ASIC2: variants seen among roughly 807,000 people sequenced by gnomAD.
ASIC2 encodes acid-sensing ion channel 2.
In ASIC2, 25 loss-of-function variants were observed where a neutral mutation model predicts 57.3. The observed-to-expected ratio is 0.44, with a 90% confidence interval of 0.32 to 0.61. The LOEUF (loss-of-function observed/expected upper bound fraction) is 0.61. Ranked by LOEUF, ASIC2 falls within the 20% of genes least tolerant of loss-of-function variation. The probability of loss-of-function intolerance (pLI) is 0.06; values close to 1 mark genes in which losing one functional copy is unlikely to be tolerated. For missense variants in ASIC2, 641 were observed against 738.1 expected, an observed-to-expected ratio of 0.87 and a Z score of 1.52; for synonymous variants, 319 against 307.5, an observed-to-expected ratio of 1.04 and a Z score of -0.39.
intron 1 of ASIC2, among the ~76,000 whole-genome samples, chr17:34,009,774 C>G (rs1289139355): frequency 1.3e-5 from 2 of 152,164 alleles, no homozygotes; most frequent in African/African-American, 2.4e-5. Context: ...TTGGCAATGA[C>G]CTGAATTTGG....
At chr17:33,451,351 C>G (rs1049609870) in intron 1 of ASIC2, among the ~76,000 whole-genome samples, 7 of 152,140 alleles carry the variant, frequency 4.6e-5, no homozygotes, top group Non-Finnish European at 1.0e-4. Context: ...GCTACCGTAC[C>G]CGGCTGTACA....
At chr17:33,173,304 C>G (rs1905602019) in intron 1 of ASIC2, among the ~76,000 whole-genome samples, 2 of 152,212 alleles carry the variant, frequency 1.3e-5, no homozygotes, top group South Asian at 4.1e-4. Context: ...GGGTGGCAGC[C>G]TGAATGTGTA....
At chr17:33,848,393 G>T (rs150739715) in intron 1 of ASIC2, among the ~76,000 whole-genome samples, 1 of 152,172 alleles carries the variant, frequency 6.6e-6, no homozygotes, top group East Asian at 1.9e-4. Context: ...TTGAAAGTGA[G>T]CTACTGCTTG....
chr17:34,019,285 A>G (rs1345932110), intron 1 of ASIC2, among the ~76,000 whole-genome samples: 1 of 152,198 alleles, frequency 6.6e-6, no homozygotes, highest in Non-Finnish European at 1.5e-5. Flanking sequence ...AATATTCCAT[A>G]AACTTAGTCA....
chr17:33,817,447 C>A (rs928247306), intron 1 of ASIC2, among the ~76,000 whole-genome samples: 2 of 152,160 alleles, frequency 1.3e-5, no homozygotes, highest in Non-Finnish European at 2.9e-5. Context: ...GCTCACAGAC[C>A]TAACTGGTGC....
chr17:34,096,216 G>C (rs1038691557), intron 1 of ASIC2, among the ~76,000 whole-genome samples: 1 of 152,140 alleles, frequency 6.6e-6, no homozygotes, highest in Non-Finnish European at 1.5e-5. Flanking sequence ...AGGCCTCTCA[G>C]AGGAAGTGAT....
At chr17:34,059,461 T>C (rs1908890899) in intron 1 of ASIC2, among the ~76,000 whole-genome samples, 1 of 152,190 alleles carries the variant, frequency 6.6e-6, no homozygotes, top group Admixed American at 6.5e-5. Flanking sequence ...CTGAGCTTTT[T>C]AACAACTTCA....
chr17:33,865,416 A>T (rs1914206062), intron 1 of ASIC2, among the ~76,000 whole-genome samples: 2 of 152,180 alleles, frequency 1.3e-5, no homozygotes, highest in East Asian at 3.9e-4. Flanking sequence ...CAGTACAGAC[A>T]TGCATAAGGC....
At chr17:33,589,103 A>C (rs1011428345) in intron 1 of ASIC2, among the ~76,000 whole-genome samples, 1 of 152,220 alleles carries the variant, frequency 6.6e-6, no homozygotes, top group African/African-American at 2.4e-5. Flanking sequence ...GCTTTAAAAT[A>C]GAATTATCAA....
At chr17:33,535,966 C>T (rs191663965) in intron 1 of ASIC2, among the ~76,000 whole-genome samples, 7 of 152,160 alleles carry the variant, frequency 4.6e-5, no homozygotes, top group Admixed American at 1.3e-4. Flanking sequence ...CAGCCTTATC[C>T]TGACTAATAC....
At position 33,028,227 on chromosome 17, in the gene ASIC2, T is replaced by G. The variant is rs368069743; in HGVS notation, c.1138+15A>C. 5.0e-6 allele frequency: 8 copies of G among 1,613,296 alleles called. No homozygotes were observed. The highest frequency in any genetic ancestry group is 6.8e-6 in the Non-Finnish European group (8 of 1,179,786). On this transcript the variant is annotated intron_variant, in intron 4 of 9. Coordinates refer to ENST00000225823, the MANE Select transcript of ASIC2 (RefSeq NM_183377.2). ...AGATCCCAGGGCCCTGTGGCCACCC[T>G]GCCCTGGCACTGACCTGGCATGTGA... is the stretch of plus-strand genomic sequence containing the variant.
intron 1 of ASIC2, among the ~76,000 whole-genome samples, chr17:34,060,562 G>A (rs2142060359): frequency 6.6e-6 from 1 of 152,206 alleles, no homozygotes; most frequent in South Asian, 2.1e-4. Flanking sequence ...AGGGACCAGA[G>A]AAAGGTGAAG....
At chr17:33,746,739 T>G (rs1473702068) in intron 1 of ASIC2, among the ~76,000 whole-genome samples, 2 of 152,136 alleles carry the variant, frequency 1.3e-5, no homozygotes, top group African/African-American at 2.4e-5. Flanking sequence ...AATAGATCTC[T>G]ACCGAGTACT....
intron 1 of ASIC2, among the ~76,000 whole-genome samples, chr17:33,800,740 T>C (rs1466398966): frequency 6.6e-6 from 1 of 152,206 alleles, no homozygotes; most frequent in African/African-American, 2.4e-5. Flanking sequence ...CACAGTATTA[T>C]AGTGATAGCA....
chr17:33,584,411 CTGAGT>C (rs889050788), intron 1 of ASIC2, among the ~76,000 whole-genome samples: 1 of 152,092 alleles, frequency 6.6e-6, no homozygotes, highest in Non-Finnish European at 1.5e-5. Context: ...TACCCCAGGA[CTGAGT>C]TGATTTTTAG....
chr17:33,135,846 T>G (rs1215892527), intron 1 of ASIC2, among the ~76,000 whole-genome samples: 1 of 152,196 alleles, frequency 6.6e-6, no homozygotes, highest in Non-Finnish European at 1.5e-5. Context: ...CCAAACTCAT[T>G]TATGCCTTAA....
At chr17:33,328,926 C>T (rs1369106509) in intron 1 of ASIC2, among the ~76,000 whole-genome samples, 1 of 152,200 alleles carries the variant, frequency 6.6e-6, no homozygotes, top group African/African-American at 2.4e-5. Flanking sequence ...TGTTTTCAAA[C>T]ACCTTTCTCC....
intron 4 of ASIC2, among the ~76,000 whole-genome samples, chr17:33,026,922 G>T (rs893257356): frequency 2.0e-4 from 30 of 152,024 alleles, no homozygotes; most frequent in Admixed American, 1.4e-3. Flanking sequence ...TTCCCTGTTT[G>T]CTCTGTTTTC....
chr17:33,109,340 G>A (rs1165575803), intron 2 of ASIC2, among the ~76,000 whole-genome samples: 1 of 152,208 alleles, frequency 6.6e-6, no homozygotes, highest in Non-Finnish European at 1.5e-5. Context: ...AGAGCAGACA[G>A]ACAACATTTT....
Sources: allele counts gnomAD v4.1 joint callset (sites outside exome capture counted in the v4.1 genomes callset), GRCh38; gene constraint gnomAD v4.1.1; transcripts MANE v1.5; gene names NCBI Gene and HGNC (gene_info 2026-07-23, HGNC 2026-07-21).